The following DIDO1 variants were observed in gnomAD, a reference collection of about 807,000 sequenced individuals.
DIDO1 encodes death inducer-obliterator 1.
DIDO1 carries 16 observed loss-of-function variants against 99.4 expected under a neutral mutation model. That is an observed-to-expected ratio of 0.16 (90% CI 0.11 to 0.24). The LOEUF (loss-of-function observed/expected upper bound fraction) is 0.24, where lower values mean the gene tolerates loss of function less well. Among genes scored for constraint, DIDO1 ranks in the 10% least tolerant of loss-of-function variants. DIDO1 has a pLI of 1.00. For missense variants in DIDO1, 2,996 were observed against 3,014.0 expected, an observed-to-expected ratio of 0.99 and a Z score of 0.14; for synonymous variants, 1,366 against 1,239.1, an observed-to-expected ratio of 1.10 and a Z score of -2.15.
At position 62,894,849 on chromosome 20, in the gene DIDO1, G is replaced by A; in HGVS notation, c.2397C>T (p.Ile799=). The change falls in exon 10 of 16, where the codon ATC becomes ATT. Residue 799 remains isoleucine (I), a synonymous_variant. Coordinates refer to ENST00000395343, the MANE Select transcript of DIDO1 (RefSeq NM_001193369.2). The surrounding 1 kb of genome is among the most constrained non-coding windows in gnomAD (Gnocchi z 4.4). ...CTGGCGGAGAGTCCTCCAGATCGGG[G>A]ATGGCCTCCTGCCTGGGGGCCGTCT... ...SKKTAPRQEA[I]PDLEDSPPVS... The A allele has an allele frequency of 6.2e-7, 1 of 1,614,148 alleles. No homozygotes were observed. The highest frequency in any genetic ancestry group is 8.5e-7 in the Non-Finnish European group (1 of 1,180,042).
intron 15 of DIDO1, chr20:62,887,745 AAGGCCCTGAGAC>A: frequency 1.0e-6 from 1 of 985,494 alleles, no homozygotes. Flanking sequence ...TTCCATGAAC[AAGGCCCTGAGAC>A]AGGCCGGGAC....
At chr20:62,926,206 G>C (rs2065250521) in intron 1 of DIDO1, among the ~76,000 whole-genome samples, 2 of 151,716 alleles carry the variant, frequency 1.3e-5, no homozygotes, top group Admixed American at 1.3e-4. Flanking sequence ...CAGGGCCGGC[G>C]TCTGAGGCCC....
intron 6 of DIDO1, chr20:62,905,291 G>T: frequency 7.2e-7 from 1 of 1,386,842 alleles, no homozygotes; most frequent in Non-Finnish European, 9.3e-7. Context: ...TGTGGCCTTC[G>T]AAGTTCGAAT....
rs1426456590 is a variant in DIDO1 at position 62,910,939 on chromosome 20, A to AC, written c.673dup (p.Val225GlyfsTer9). ...GTCATCTTTCCCAGCCTGGGACACA[A>AC]CCCCCTGATCGTTCTCGGGCTCCTG... is the stretch of plus-strand genomic sequence containing the variant. On this transcript the variant is annotated frameshift_variant, in exon 3 of 16. Transcript: ENST00000395343. LOFTEE classifies it high-confidence loss of function. 6.2e-7 allele frequency: 1 copy of AC among 1,612,314 alleles called. No individual in the cohort carries two copies. The highest frequency in any genetic ancestry group is 1.7e-5 in the Admixed American group (1 of 59,850).
chr20:62,901,817 GA>G (rs11467476), intron 6 of DIDO1, among the ~76,000 whole-genome samples: 9,833 of 113,012 alleles, frequency 0.087, 555 homozygotes, highest in African/African-American at 0.19. Context: ...TGTGTTAACA[GA>G]AAAAAAAAAA....
chr20:62,937,806 G>A (rs1254926049), exon 1 of DIDO1: 4 of 398,322 alleles, frequency 1.0e-5, no homozygotes, highest in South Asian at 2.5e-4. Context: ...CTTCGCCTCC[G>A]ACTCAGTGTA....
chr20:62,891,022 T>C lies in DIDO1; in HGVS notation c.3479A>G (p.Tyr1160Cys). 6.2e-7 allele frequency: 1 copy of C among 1,614,054 alleles called. No individual in the cohort carries two copies. Among genetic ancestry groups the C allele is most frequent in the Non-Finnish European group, 8.5e-7 (1 of 1,180,000 alleles). ...ANNNRHVKDL[Y>C]LIPLSAQDPV... ...GTCCTGGGCGCTCAGCGGGATCAGG[T>C]AGAGGTCCTTGACGTGCCTGTTGTT... Residue 1160 changes from tyrosine (Y) to cysteine (C), a missense_variant, in exon 15 of 16, where the codon TAC becomes TGC. Transcript: ENST00000395343.
chr20:62,903,893 T>A (rs146959482), intron 6 of DIDO1, among the ~76,000 whole-genome samples: 2 of 152,242 alleles, frequency 1.3e-5, no homozygotes, highest in East Asian at 1.9e-4. Context: ...TACCCCGCTA[T>A]GGGCAGAAGA....
rs1055971459 is a variant in DIDO1 at position 62,924,560 on chromosome 20, G to GT, written c.-200+1878dup. ...CCCTAAGGCTGTAGAAAAACTCACA[G>GT]TATCAACAGCAGAACCTGCCAACTT... is the stretch of plus-strand genomic sequence containing the variant. On this transcript the variant is annotated intron_variant, in intron 1 of 15. Coordinates refer to ENST00000395343, the MANE Select transcript of DIDO1 (RefSeq NM_001193369.2). Among the ~76,000 whole-genome samples the GT allele has an allele frequency of 5.6e-4, 86 of 152,322 alleles. No individual in the cohort carries two copies. The Middle Eastern group carries it at 0.01, about 18-fold the overall frequency.
Position 62,879,782 on chromosome 20 carries a change from G to A in DIDO1, c.6174C>T (p.Gly2058=), listed in dbSNP as rs1406954616. Residue 2058 remains glycine (G), a synonymous_variant, in exon 16 of 16, where the codon GGC becomes GGT. Coordinates refer to ENST00000395343, the MANE Select transcript of DIDO1 (RefSeq NM_001193369.2). The surrounding 1 kb of genome is among the most constrained non-coding windows in gnomAD (Gnocchi z 6.3). ...SALSSSAPGQ[G]PEADGQWASA... ...ATGCCCACTGTCCGTCGGCCTCGGGGCCCTGTCCGGGCGCACTGGAGGAGA... is the reference window on the plus strand; with the variant it reads ...ATGCCCACTGTCCGTCGGCCTCGGGACCCTGTCCGGGCGCACTGGAGGAGA... The A allele has an allele frequency of 1.2e-6, 2 of 1,611,492 alleles. No homozygotes were observed. Among genetic ancestry groups the A allele is most frequent in the Non-Finnish European group, 1.7e-6 (2 of 1,179,798 alleles).
chr20:62,921,029 G>C (rs980940740), intron 1 of DIDO1, among the ~76,000 whole-genome samples: 1 of 152,168 alleles, frequency 6.6e-6, no homozygotes, highest in Non-Finnish European at 1.5e-5. Flanking sequence ...GAGTAGCTGG[G>C]ATTACAGGCG....
In DIDO1 at chr20:62,879,626, G is replaced by C. The variant is rs775496928; in HGVS notation, c.6330C>G (p.Ser2110=). The C allele has an allele frequency of 6.2e-7, 1 of 1,605,330 alleles. No individual in the cohort carries two copies. The highest frequency in any genetic ancestry group is 1.3e-5 in the African/African-American group (1 of 74,994). Reference sequence around the variant, plus strand: ...GCTCGCGCTCTCTCCTCCTGTCCTCGGACGCCCGGCCCTGGGCGTCGGGCT... The same window carrying C: ...GCTCGCGCTCTCTCCTCCTGTCCTCCGACGCCCGGCCCTGGGCGTCGGGCT... ...LEEPDAQGRA[S]EDRRRERERG... The change falls in exon 16 of 16, where the codon TCC becomes TCG. Residue 2110 remains serine, a synonymous_variant. Transcript: ENST00000395343. This position sits in a 1 kb window ranked among gnomAD's most constrained non-coding sequence, Gnocchi z 6.3.
At chr20:62,910,674 T>A in intron 3 of DIDO1, 100 bp downstream of exon 3, 2 of 1,334,438 alleles carry the variant, frequency 1.5e-6, no homozygotes. Context: ...TTCCAACAAA[T>A]CGCTCATCCA....
intron 6 of DIDO1, among the ~76,000 whole-genome samples, chr20:62,901,687 G>C (rs10854167): frequency 0.18 from 27,349 of 151,882 alleles, 2,700 homozygotes; most frequent in East Asian, 0.28. Context: ...ACTCTTCCAG[G>C]TTTGCGGCAA....
At chr20:62,923,679 T>A (rs2065198850) in intron 1 of DIDO1, among the ~76,000 whole-genome samples, 1 of 152,244 alleles carries the variant, frequency 6.6e-6, no homozygotes, top group Non-Finnish European at 1.5e-5. Context: ...TTACATAATG[T>A]TTAAGTTTCC....
At position 62,926,246 on chromosome 20, in the gene DIDO1, CCCCGCCCGCTCGCCCGCCCG is replaced by C. The variant is rs1455139600; in HGVS notation, c.-200+173_-200+192del. On this transcript the variant is annotated intron_variant, in intron 1 of 15. Coordinates refer to ENST00000395343, the MANE Select transcript of DIDO1 (RefSeq NM_001193369.2). ...CCCAGGCCGCGGCGGCTCTGACCGG[CCCCGCCCGCTCGCCCGCCCG>C]CCCGCCCGCTCCTTCCCTTCCGCGG... Among the ~76,000 whole-genome samples, 159 of 104,624 alleles carry C rather than the reference CCCCGCCCGCTCGCCCGCCCG, an allele frequency of 1.5e-3. 1 individual carries two copies. Among genetic ancestry groups the C allele is most frequent in the Non-Finnish European group, 1.6e-3 (89 of 55,894 alleles). 68.6% of individuals were successfully genotyped at this position (104,624 alleles called of 152,430 possible). A position where few individuals can be genotyped will look rare whatever the true frequency, so the allele number is the denominator to read the frequency against.
At chr20:62,913,601 T>C (rs1244337759) in intron 2 of DIDO1, among the ~76,000 whole-genome samples, 3 of 152,274 alleles carry the variant, frequency 2.0e-5, no homozygotes, top group Non-Finnish European at 4.4e-5. Context: ...AGCCAAAATA[T>C]TTGCAAGAAA....
Position 62,887,793 on chromosome 20 carries a change from G to A in DIDO1, c.3541+3167C>T, listed in dbSNP as rs530869387. ...TCTGCGACCCCAAGTCCCTGCGGGGGGCCCTGTTGGTAAAGCTGGAACTGA... is the reference window on the plus strand; with the variant it reads ...TCTGCGACCCCAAGTCCCTGCGGGGAGCCCTGTTGGTAAAGCTGGAACTGA... On this transcript the variant is annotated intron_variant, in intron 15 of 15. Coordinates refer to ENST00000395343, the MANE Select transcript of DIDO1 (RefSeq NM_001193369.2). 9 of 985,490 alleles carry A rather than the reference G, an allele frequency of 9.1e-6. No homozygotes were observed. The East Asian group carries it at 5.7e-4, about 62-fold the overall frequency. The allele number at this position is 985,490 out of a possible 1,614,324, so 61.0% of individuals were successfully genotyped here.
chr20:62,896,785 G>A lies in DIDO1; in HGVS notation c.1800C>T (p.Leu600=), dbSNP rs556169716. 2.0e-5 allele frequency: 32 copies of A among 1,614,118 alleles called. No homozygotes were observed. The highest frequency in any genetic ancestry group is 2.7e-5 in the African/African-American group (2 of 75,074). ...AAGCACCACTCGATGGGGTAGCGGA[G>A]AGCCATGGCCTCTTGGGGATGGTGC... ...FKGTIPKRPW[L]SATPSSGASA... Residue 600 remains leucine, a synonymous_variant, in exon 7 of 16, where the codon CTC becomes CTT. Coordinates refer to ENST00000395343, the MANE Select transcript of DIDO1 (RefSeq NM_001193369.2). This position sits in a 1 kb window ranked among gnomAD's most constrained non-coding sequence, Gnocchi z 4.4.
Sources: allele counts gnomAD v4.1 joint callset (sites outside exome capture counted in the v4.1 genomes callset), GRCh38; gene constraint gnomAD v4.1.1; non-coding constraint Gnocchi (gnomAD v3.1); transcripts MANE v1.5; gene names NCBI Gene and HGNC (gene_info 2026-07-23, HGNC 2026-07-21).